The following ROBO2 variants were observed in gnomAD, a reference collection of about 807,000 sequenced individuals.
ROBO2 encodes the protein roundabout guidance receptor 2.
In ROBO2, 53 loss-of-function variants were observed where a neutral mutation model predicts 160.8. That is an observed-to-expected ratio of 0.33 (90% CI 0.26 to 0.41). ROBO2 has a LOEUF of 0.41. Ranked by LOEUF, ROBO2 falls within the 10% of genes least tolerant of loss-of-function variation. The pLI, the probability that ROBO2 is intolerant of heterozygous loss-of-function variation, is 1.00. For missense variants in ROBO2, 1,577 were observed against 1,722.4 expected, an observed-to-expected ratio of 0.92 and a Z score of 1.49; for synonymous variants, 664 against 611.7, an observed-to-expected ratio of 1.09 and a Z score of -1.26.
intron 2 of ROBO2, among the ~76,000 whole-genome samples, chr3:76,329,121 G>A (rs2073277245): frequency 6.6e-6 from 1 of 151,916 alleles, no homozygotes; most frequent in African/African-American, 2.4e-5. Flanking sequence ...GCTCGTGGAT[G>A]TGACGCTCCA....
intron 2 of ROBO2, among the ~76,000 whole-genome samples, chr3:76,353,790 A>G (rs951864517): frequency 6.6e-6 from 1 of 151,918 alleles, no homozygotes; most frequent in Admixed American, 6.6e-5. Flanking sequence ...CTTAGAACTT[A>G]GAGAACTCTC....
intron 4 of ROBO2, among the ~76,000 whole-genome samples, chr3:77,483,896 C>T (rs984375096): frequency 1.6e-4 from 24 of 151,030 alleles, no homozygotes; most frequent in African/African-American, 4.1e-4. Context: ...GTCTACTTTC[C>T]GAGACATATT....
intron 2 of ROBO2, among the ~76,000 whole-genome samples, chr3:76,527,754 T>C (rs927329119): frequency 1.3e-5 from 2 of 152,056 alleles, no homozygotes; most frequent in Non-Finnish European, 2.9e-5. Flanking sequence ...AAATGTTATG[T>C]AGAAAATAAA....
chr3:76,199,279 A>T (rs969852313), intron 2 of ROBO2, among the ~76,000 whole-genome samples: 4 of 152,144 alleles, frequency 2.6e-5, no homozygotes, highest in African/African-American at 7.2e-5. Context: ...GGAAGGAGTC[A>T]AACCCCAGGA....
chr3:76,912,436 G>A (rs1413954335), intron 2 of ROBO2, among the ~76,000 whole-genome samples: 2 of 152,168 alleles, frequency 1.3e-5, no homozygotes, highest in Admixed American at 6.5e-5. Flanking sequence ...AGCACAGATT[G>A]TTTAAGAATG....
chr3:77,273,112 T>C (rs1421260988), intron 2 of ROBO2, among the ~76,000 whole-genome samples: 2 of 152,124 alleles, frequency 1.3e-5, no homozygotes, highest in Non-Finnish European at 2.9e-5. Flanking sequence ...TTTCCCTTCC[T>C]TTTTCCCCCG....
intron 1 of ROBO2, among the ~76,000 whole-genome samples, chr3:75,916,092 A>G (rs1230804900): frequency 6.6e-6 from 1 of 152,186 alleles, no homozygotes; most frequent in Non-Finnish European, 1.5e-5. Flanking sequence ...GCCATGGCAC[A>G]TTGATTAATC....
At chr3:77,302,967 C>T (rs1162049660) in intron 2 of ROBO2, among the ~76,000 whole-genome samples, 1 of 152,100 alleles carries the variant, frequency 6.6e-6, no homozygotes, top group African/African-American at 2.4e-5. Flanking sequence ...CTTTACTGCT[C>T]AGATGTTTTA....
chr3:77,324,214 C>T (rs1289651526), intron 2 of ROBO2, among the ~76,000 whole-genome samples: 1 of 152,110 alleles, frequency 6.6e-6, no homozygotes, highest in Non-Finnish European at 1.5e-5. Flanking sequence ...CCAGTTACTG[C>T]AGTATGTTGA....
intron 2 of ROBO2, among the ~76,000 whole-genome samples, chr3:76,227,947 C>G (rs1356171454): frequency 6.6e-6 from 1 of 152,074 alleles, no homozygotes; most frequent in Non-Finnish European, 1.5e-5. Context: ...ATGATCTAAC[C>G]TTTTGATAAT....
chr3:75,963,604 A>G (rs1263999159), intron 2 of ROBO2, among the ~76,000 whole-genome samples: 1 of 151,866 alleles, frequency 6.6e-6, no homozygotes, highest in East Asian at 1.9e-4. Flanking sequence ...TAAAAAGTCC[A>G]TTATGTCCTT....
At chr3:76,069,525 G>GTTT (rs35295337) in intron 2 of ROBO2, among the ~76,000 whole-genome samples, 4,194 of 148,098 alleles carry the variant, frequency 0.028, 189 homozygotes, top group African/African-American at 0.09. Context: ...CTTATTGCTA[G>GTTT]TTTTTTTTTT....
rs1019268200 is a variant in ROBO2 at position 76,669,428 on chromosome 3, G to A, written c.110-428586G>A. Among the ~76,000 whole-genome samples, 3 of 152,040 alleles carry A rather than the reference G, an allele frequency of 2.0e-5. No individual in the cohort carries two copies. The East Asian group carries it at 5.8e-4, about 29-fold the overall frequency. On this transcript the variant is annotated intron_variant, in intron 2 of 26. Coordinates refer to the ROBO2 transcript ENST00000487694. ...CCGTACAACAGGAAGTCCAAGGTCC[G>A]GGTAGTCTGTGTTTGAAGGCCAAGA...
chr3:77,461,118 A>C (rs1296925127), intron 2 of ROBO2, among the ~76,000 whole-genome samples: 1 of 152,296 alleles, frequency 6.6e-6, no homozygotes, highest in Non-Finnish European at 1.5e-5. Flanking sequence ...ACTCTGTGGT[A>C]AAAAATAATA....
chr3:76,694,558 GT>G (rs987181112), intron 2 of ROBO2, among the ~76,000 whole-genome samples: 3 of 151,476 alleles, frequency 2.0e-5, no homozygotes, highest in East Asian at 1.9e-4. Context: ...ACTTTATAAT[GT>G]TTTTTTTCAA....
chr3:76,734,564 T>C (rs1283519974), intron 2 of ROBO2, among the ~76,000 whole-genome samples: 2 of 152,208 alleles, frequency 1.3e-5, no homozygotes, highest in Non-Finnish European at 2.9e-5. Flanking sequence ...TTTTCTTCTA[T>C]GTTTTCTTCT....
intron 2 of ROBO2, among the ~76,000 whole-genome samples, chr3:77,315,136 G>A (rs1293858432): frequency 6.6e-6 from 1 of 152,004 alleles, no homozygotes; most frequent in Non-Finnish European, 1.5e-5. Context: ...CCGTACAATG[G>A]AGGAAACAAA....
chr3:76,063,466 C>A (rs539335117), intron 2 of ROBO2, among the ~76,000 whole-genome samples: 2 of 151,600 alleles, frequency 1.3e-5, no homozygotes, highest in East Asian at 3.9e-4. Context: ...CACCTCAGAC[C>A]CCTGGGTAGC....
At chr3:76,398,431 T>A (rs2077604577) in intron 2 of ROBO2, among the ~76,000 whole-genome samples, 1 of 151,702 alleles carries the variant, frequency 6.6e-6, no homozygotes, top group Admixed American at 6.6e-5. Context: ...CATATGTAAC[T>A]AACCTGCACA....
Sources: gnomAD v4.1 joint callset for allele counts (sites outside exome capture counted in the v4.1 genomes callset) on GRCh38, gnomAD v4.1.1 for gene constraint, MANE v1.5 for transcripts, NCBI Gene and HGNC (gene_info 2026-07-23, HGNC 2026-07-21) for gene names.